L3MBTL4: variants seen among roughly 807,000 people sequenced by gnomAD.
L3MBTL4 encodes L3MBTL histone methyl-lysine binding protein 4.
Under a neutral mutation model 84.5 loss-of-function variants are expected in L3MBTL4, and 70 were observed. The ratio of observed to expected loss-of-function variants is 0.83; its 90% CI spans 0.68 to 1.01. L3MBTL4 has a LOEUF of 1.01. Ranked by LOEUF, L3MBTL4 falls within the 50% of genes least tolerant of loss-of-function variation. The pLI, the probability that L3MBTL4 is intolerant of heterozygous loss-of-function variation, is 0.00. For missense variants in L3MBTL4, 715 were observed against 754.8 expected, an observed-to-expected ratio of 0.95 and a Z score of 0.62; for synonymous variants, 274 against 259.8, an observed-to-expected ratio of 1.05 and a Z score of -0.52.
intron 12 of L3MBTL4, among the ~76,000 whole-genome samples, chr18:6,187,886 G>C (rs141177093): frequency 0.016 from 2,457 of 149,484 alleles, 19 homozygotes; most frequent in Middle Eastern, 0.032. Context: ...AAAAAAAAGT[G>C]GTGTCTGCTC....
rs139459324 is a variant in L3MBTL4 at position 6,065,496 on chromosome 18, G to A, written c.1444+15385C>T. Among the ~76,000 whole-genome samples the A allele has an allele frequency of 6.3e-3, 962 of 151,636 alleles. 9 individuals are homozygous for A. Among genetic ancestry groups the A allele is most frequent in the African/African-American group, 0.022 (926 of 41,444 alleles). On this transcript the variant is annotated intron_variant, in intron 16 of 18. Transcript: ENST00000317931. ...GGTCCTGGACTTTTTTGTTGTTGAC[G>A]GCAATTTTTGTATTACTGATTAAAT...
At chr18:6,317,631 CTG>C (rs1806369029) in intron 1 of L3MBTL4, among the ~76,000 whole-genome samples, 2 of 152,150 alleles carry the variant, frequency 1.3e-5, no homozygotes. Context: ...CTAAAAATAA[CTG>C]GTGTTCCTGA....
intron 12 of L3MBTL4, among the ~76,000 whole-genome samples, chr18:6,177,830 C>A (rs1250002449): frequency 6.6e-6 from 1 of 152,132 alleles, no homozygotes; most frequent in African/African-American, 2.4e-5. Context: ...TCTGGAATTA[C>A]CAATAGGAAG....
intron 16 of L3MBTL4, chr18:6,032,334 G>A: frequency 1.0e-6 from 1 of 976,018 alleles, no homozygotes; most frequent in Non-Finnish European, 1.2e-6. Flanking sequence ...AAAAGCTTAT[G>A]ATGTGCTGTT....
intron 4 of L3MBTL4, among the ~76,000 whole-genome samples, chr18:6,264,390 G>GT (rs1032682644): frequency 1.3e-5 from 2 of 152,184 alleles, no homozygotes; most frequent in African/African-American, 4.8e-5. Flanking sequence ...ATAGTCTAAA[G>GT]TTTTTTATAA....
intron 10 of L3MBTL4, among the ~76,000 whole-genome samples, chr18:6,222,088 A>T (rs887771642): frequency 2.6e-5 from 4 of 152,230 alleles, no homozygotes; most frequent in African/African-American, 9.6e-5. Flanking sequence ...GTTTCAAAAC[A>T]CATGTTGAAA....
intron 1 of L3MBTL4, among the ~76,000 whole-genome samples, chr18:6,344,691 A>G (rs2052786443): frequency 2.0e-5 from 3 of 152,240 alleles, no homozygotes; most frequent in Admixed American, 2.0e-4. Context: ...ACTCTCATCA[A>G]GTGGGACTTA....
chr18:6,267,361 T>C (rs947204701), intron 4 of L3MBTL4, among the ~76,000 whole-genome samples: 1 of 152,246 alleles, frequency 6.6e-6, no homozygotes, highest in Non-Finnish European at 1.5e-5. Context: ...TGAGACGTCA[T>C]GGTGTGATTT....
At chr18:6,309,655 T>C (rs2146926044) in intron 3 of L3MBTL4, among the ~76,000 whole-genome samples, 1 of 152,276 alleles carries the variant, frequency 6.6e-6, no homozygotes, top group South Asian at 2.1e-4. Flanking sequence ...GGTAAACACA[T>C]CAGGATTAAG....
At chr18:6,033,951 A>G (rs1000077898) in intron 16 of L3MBTL4, among the ~76,000 whole-genome samples, 1 of 152,214 alleles carries the variant, frequency 6.6e-6, no homozygotes, top group Non-Finnish European at 1.5e-5. Context: ...TTATACTAAG[A>G]CTACCTATTA....
intron 16 of L3MBTL4, among the ~76,000 whole-genome samples, chr18:5,980,430 C>CTTTTTTTTT (rs10664833): frequency 2.4e-5 from 3 of 123,026 alleles, no homozygotes; most frequent in South Asian, 2.7e-4. Context: ...TTAGTTTGCG[C>CTTTTTTTTT]TTTTTTTTTT....
intron 16 of L3MBTL4, among the ~76,000 whole-genome samples, chr18:6,016,348 A>T (rs2054978883): frequency 6.6e-6 from 1 of 152,218 alleles, no homozygotes; most frequent in African/African-American, 2.4e-5. Flanking sequence ...CTTAGGCACC[A>T]TTTGGCTCTG....
At chr18:6,095,601 C>A (rs1403737317) in intron 14 of L3MBTL4, among the ~76,000 whole-genome samples, 3 of 152,118 alleles carry the variant, frequency 2.0e-5, no homozygotes, top group African/African-American at 4.8e-5. Flanking sequence ...CCGCCCACCT[C>A]GGCCTCCCGA....
At chr18:5,984,231 G>A (rs2053367131) in intron 16 of L3MBTL4, among the ~76,000 whole-genome samples, 1 of 152,190 alleles carries the variant, frequency 6.6e-6, no homozygotes, top group South Asian at 2.1e-4. Context: ...TTTATTTAAA[G>A]GCCATGTAAA....
At chr18:6,389,571 A>G (rs1469524673) in intron 1 of L3MBTL4, among the ~76,000 whole-genome samples, 2 of 152,226 alleles carry the variant, frequency 1.3e-5, no homozygotes, top group African/African-American at 2.4e-5. Flanking sequence ...CTAACATGTA[A>G]GAATTCATCT....
chr18:5,969,499 G>C lies in L3MBTL4; in HGVS notation c.1508C>G (p.Ala503Gly). 6.2e-7 allele frequency: 1 copy of C among 1,613,980 alleles called. No homozygotes were observed. Among genetic ancestry groups the C allele is most frequent in the Non-Finnish European group, 8.5e-7 (1 of 1,179,976 alleles). The stretch of plus-strand genomic sequence containing the variant: ...GAGGGGAAGGTCCCGAAAAGGGTGG[G>C]CTGACACCGTGGACATGGACACTGA... ...HQSVSMSTVSAHPFRDLPLGR... is the reference protein window; with the variant it reads ...HQSVSMSTVSGHPFRDLPLGR... Residue 503 changes from alanine (A) to glycine (G), a missense_variant, in exon 17 of 19, where the codon GCC becomes GGC. Physicochemically the swap from Ala to Gly is moderately conservative, Grantham distance 60. Transcript: ENST00000317931.
intron 1 of L3MBTL4, among the ~76,000 whole-genome samples, chr18:6,317,983 A>T (rs905363325): frequency 4.6e-5 from 7 of 152,206 alleles, no homozygotes; most frequent in African/African-American, 1.7e-4. Flanking sequence ...GAGAGCCAAG[A>T]ATTCTGTATC....
intron 14 of L3MBTL4, among the ~76,000 whole-genome samples, chr18:6,121,722 G>GTGTGTGTGTGTGTA (rs1555660826): frequency 6.0e-4 from 86 of 143,692 alleles, no homozygotes; most frequent in African/African-American, 2.0e-3. Context: ...GTGTGTGTAT[G>GTGTGTGTGTGTGTA]TGTGTGTGCA....
At chr18:6,065,214 GTAT>G (rs1051193469) in intron 16 of L3MBTL4, among the ~76,000 whole-genome samples, 3 of 151,848 alleles carry the variant, frequency 2.0e-5, no homozygotes, top group South Asian at 2.1e-4. Flanking sequence ...TGATCATAAT[GTAT>G]TATTATTATT....
Sources: gnomAD v4.1 joint callset for allele counts (sites outside exome capture counted in the v4.1 genomes callset) on GRCh38, gnomAD v4.1.1 for gene constraint, MANE v1.5 for transcripts, NCBI Gene and HGNC (gene_info 2026-07-23, HGNC 2026-07-21) for gene names.